Variants in CCDC71L observed in about 807,000 individuals in gnomAD.
CCDC71L encodes coiled-coil domain containing 71 like.
In CCDC71L, 6 loss-of-function variants were observed where a neutral mutation model predicts 10.2. The observed-to-expected ratio is 0.59, with a 90% CI of 0.32 to 1.16. The LOEUF is 1.16. CCDC71L is among the 50% of genes most tolerant of loss of function. The probability of loss-of-function intolerance (pLI) is 0.05; values close to 1 mark genes in which losing one functional copy is unlikely to be tolerated. For synonymous variants in CCDC71L, 204 were observed against 175.5 expected, an observed-to-expected ratio of 1.16 and a Z score of -1.28; for missense variants, 366 against 383.4, an observed-to-expected ratio of 0.95 and a Z score of 0.38.
chr7:106,660,613 C>T lies in CCDC71L; in HGVS notation c.284G>A (p.Ser95Asn). ...KHQFSPHILR[S>N]KDVYGYSSCR... ...GGAGGAGTAGCCGTAGACGTCCTTG[C>T]TGCGCAGGATGTGCGGGGAGAACTG... Residue 95 changes from serine to asparagine, a missense_variant, in exon 1 of 1, where the codon AGC becomes AAC. Transcript: ENST00000523505. This position sits in a 1 kb window ranked among gnomAD's most constrained non-coding sequence, Gnocchi z 7.5. 6.3e-7 allele frequency: 1 copy of T among 1,586,914 alleles called. No individual in the cohort carries two copies. Among genetic ancestry groups the T allele is most frequent in the Non-Finnish European group, 8.6e-7 (1 of 1,167,372 alleles).
rs1209747595 is a variant in CCDC71L at position 106,656,548 on chromosome 7, C to T, written c.*3641G>A. Among the ~76,000 whole-genome samples, 1 of 151,190 alleles carries T rather than the reference C, an allele frequency of 6.6e-6. No individual in the cohort carries two copies. The highest frequency in any genetic ancestry group is 1.5e-5 in the Non-Finnish European group (1 of 67,826). On this transcript the variant is annotated 3_prime_UTR_variant, in exon 1 of 1. Coordinates refer to ENST00000523505, the MANE Select transcript of CCDC71L (RefSeq NM_175884.6). The stretch of plus-strand genomic sequence containing the variant: ...CTGGCAAACTGGTTAATAAGTTGGG[C>T]TTGTAGCGCCATCCTAAAAATTCGC...
chr7:106,655,671 A>G lies in CCDC71L; in HGVS notation c.*4518T>C, dbSNP rs1348715253. Reference sequence around the variant, plus strand: ...CAGATAGTTTAAAACACATAACAGTACATTCAAATGTCTTATAGAGATATA... The same window carrying G: ...CAGATAGTTTAAAACACATAACAGTGCATTCAAATGTCTTATAGAGATATA... On this transcript the variant is annotated 3_prime_UTR_variant, in exon 1 of 1. Transcript: ENST00000523505. Among the ~76,000 whole-genome samples the G allele has an allele frequency of 1.3e-5, 2 of 152,214 alleles. No individual in the cohort carries two copies. Among genetic ancestry groups the G allele is most frequent in the African/African-American group, 4.8e-5 (2 of 41,454 alleles).
Position 106,660,674 on chromosome 7 carries a change from C to A in CCDC71L, c.223G>T (p.Ala75Ser). ...PRSTEFMSSD[A>S]ELWSFLCSLK... ...CTGCAGAGGAAGCTCCAGAGCTCCG[C>A]GTCCGAGCTCATGAACTCCGTGCTG... Residue 75 changes from alanine to serine, a missense_variant, in exon 1 of 1, where the codon GCG becomes TCG. Physicochemically the swap from Ala to Ser is moderately conservative, Grantham distance 99. Transcript: ENST00000523505. This position sits in a 1 kb window ranked among gnomAD's most constrained non-coding sequence, Gnocchi z 7.5. The A allele has an allele frequency of 6.3e-7, 1 of 1,585,960 alleles. No homozygotes were observed. Among genetic ancestry groups the A allele is most frequent in the Non-Finnish European group, 8.6e-7 (1 of 1,166,164 alleles).
rs1792562812 is a variant in CCDC71L, at chr7:106,660,148, C to G, written c.*41G>C. Reference sequence around the variant, plus strand: ...CATTCCTCCGGGCGGAAGGCCTGTCCCAAGGTCGGGGCCGGCAGGAGGCGC... The same window carrying G: ...CATTCCTCCGGGCGGAAGGCCTGTCGCAAGGTCGGGGCCGGCAGGAGGCGC... On this transcript the variant is annotated 3_prime_UTR_variant, in exon 1 of 1. Transcript: ENST00000523505. The surrounding 1 kb of genome is among the most constrained non-coding windows in gnomAD (Gnocchi z 7.5). The G allele has an allele frequency of 6.1e-6, 9 of 1,476,710 alleles. No homozygotes were observed. The highest frequency in any genetic ancestry group is 8.0e-6 in the Non-Finnish European group (9 of 1,124,258). 91.5% of individuals were successfully genotyped at this position (1,476,710 alleles called of 1,614,324 possible). A position where few individuals can be genotyped will look rare whatever the true frequency, so the allele number is the denominator to read the frequency against.
chr7:106,654,689 G>A lies in CCDC71L; in HGVS notation c.*5500C>T, dbSNP rs550265139. Among the ~76,000 whole-genome samples the A allele has an allele frequency of 6.6e-6, 1 of 152,208 alleles. No homozygotes were observed. Among genetic ancestry groups the A allele is most frequent in the South Asian group, 2.1e-4 (1 of 4,818 alleles). On this transcript the variant is annotated 3_prime_UTR_variant, in exon 1 of 1. Coordinates refer to ENST00000523505, the MANE Select transcript of CCDC71L (RefSeq NM_175884.6). ...GTAATGGCTGATGGGGTGTTAGGGA[G>A]GACTTCAGGGGTACTCATAACTGTA...
In CCDC71L at chr7:106,655,118, G is replaced by A. The variant is rs550226581; in HGVS notation, c.*5071C>T. ...CTTTAGATATGTTTATTATGTTATA[G>A]ATCATGGTTTAGAATGACATTTACC... is the stretch of plus-strand genomic sequence containing the variant. On this transcript the variant is annotated 3_prime_UTR_variant, in exon 1 of 1. Transcript: ENST00000523505. Among the ~76,000 whole-genome samples the A allele has an allele frequency of 4.6e-5, 7 of 152,220 alleles. No homozygotes were observed. Among genetic ancestry groups the A allele is most frequent in the African/African-American group, 1.4e-4 (6 of 41,558 alleles).
chr7:106,658,165 C>T lies in CCDC71L; in HGVS notation c.*2024G>A, dbSNP rs1792522535. On this transcript the variant is annotated 3_prime_UTR_variant, in exon 1 of 1. Coordinates refer to ENST00000523505, the MANE Select transcript of CCDC71L (RefSeq NM_175884.6). ...AAGAAAACCCTATGCATCTGAAATA[C>T]AATTGGCAATGGAAGCTAATAACCA... 1 of 152,246 alleles carries T rather than the reference C, an allele frequency of 6.6e-6. No individual in the cohort carries two copies. Among genetic ancestry groups the T allele is most frequent in the Middle Eastern group, 3.4e-3 (1 of 294 alleles). The allele number at this position is 152,246 out of a possible 1,614,324, so 9.4% of individuals were successfully genotyped here. A position where few individuals can be genotyped will look rare whatever the true frequency, so the allele number is the denominator to read the frequency against.
At position 106,654,511 on chromosome 7, in the gene CCDC71L, CACA is replaced by C. The variant is rs1280298190; in HGVS notation, c.*5675_*5677del. Among the ~76,000 whole-genome samples the C allele has an allele frequency of 2.0e-5, 3 of 151,836 alleles. No individual in the cohort carries two copies. On this transcript the variant is annotated 3_prime_UTR_variant, in exon 1 of 1. Coordinates refer to ENST00000523505, the MANE Select transcript of CCDC71L (RefSeq NM_175884.6). ...ATAAATGATCTACAATAATAGTACA[CACA>C]ACAATATAAATGAATCTCACAAACA...
rs1251413691 is a variant in CCDC71L at position 106,655,840 on chromosome 7, C to T, written c.*4349G>A. On this transcript the variant is annotated 3_prime_UTR_variant, in exon 1 of 1. Coordinates refer to ENST00000523505, the MANE Select transcript of CCDC71L (RefSeq NM_175884.6). Reference sequence around the variant, plus strand: ...CTTCAATTTTATTCATGCACAAATTCTCTTCTCTTCATTTATCTTACAGCT... The same window carrying T: ...CTTCAATTTTATTCATGCACAAATTTTCTTCTCTTCATTTATCTTACAGCT... Among the ~76,000 whole-genome samples the T allele has an allele frequency of 2.0e-5, 3 of 152,082 alleles. No homozygotes were observed. Among genetic ancestry groups the T allele is most frequent in the South Asian group, 2.1e-4 (1 of 4,828 alleles).
At position 106,660,205 on chromosome 7, in the gene CCDC71L, G is replaced by T; in HGVS notation, c.692C>A (p.Pro231Gln). ...LEPMVRLRRF[P>Q]VPRA ...GGCCGCACCTCATGCCCGGGGCACC[G>T]GGAAGCGGCGGAGCCTCACCATGGG... is the stretch of plus-strand genomic sequence containing the variant. The change falls in exon 1 of 1, where the codon CCG (proline) becomes CAG (glutamine). Residue 231 changes from proline to glutamine, a missense_variant. By Grantham distance (76) the Pro-to-Gln change is moderately conservative. Coordinates refer to ENST00000523505, the MANE Select transcript of CCDC71L (RefSeq NM_175884.6). This position sits in a 1 kb window ranked among gnomAD's most constrained non-coding sequence, Gnocchi z 7.5. 6.4e-7 allele frequency: 1 copy of T among 1,566,514 alleles called. No individual in the cohort carries two copies. Among genetic ancestry groups the T allele is most frequent in the Admixed American group, 1.7e-5 (1 of 57,540 alleles).
In CCDC71L at chr7:106,654,484, G is replaced by A. The variant is rs1792460167; in HGVS notation, c.*5705C>T. ...ACAGTGGAATTCTATACACCAATGA[G>A]AATAAATGATCTACAATAATAGTAC... On this transcript the variant is annotated 3_prime_UTR_variant, in exon 1 of 1. Coordinates refer to ENST00000523505, the MANE Select transcript of CCDC71L (RefSeq NM_175884.6). Among the ~76,000 whole-genome samples the A allele has an allele frequency of 6.6e-6, 1 of 151,494 alleles. No homozygotes were observed. Among genetic ancestry groups the A allele is most frequent in the East Asian group, 1.9e-4 (1 of 5,138 alleles).
rs1275208829 is a variant in CCDC71L at position 106,656,555 on chromosome 7, C to T, written c.*3634G>A. Among the ~76,000 whole-genome samples, 2 of 151,514 alleles carry T rather than the reference C, an allele frequency of 1.3e-5. No individual in the cohort carries two copies. Among genetic ancestry groups the T allele is most frequent in the Admixed American group, 6.6e-5 (1 of 15,206 alleles). On this transcript the variant is annotated 3_prime_UTR_variant, in exon 1 of 1. Coordinates refer to ENST00000523505, the MANE Select transcript of CCDC71L (RefSeq NM_175884.6). ...ACTGGTTAATAAGTTGGGCTTGTAG[C>T]GCCATCCTAAAAATTCGCTAGATAA...
Position 106,660,238 on chromosome 7 carries a change from T to C in CCDC71L, c.659A>G (p.Asn220Ser). The change falls in exon 1 of 1, where the codon AAC becomes AGC. Residue 220 changes from asparagine to serine, a missense_variant. Asn to Ser is a conservative substitution (Grantham distance 46). Coordinates refer to ENST00000523505, the MANE Select transcript of CCDC71L (RefSeq NM_175884.6). The surrounding 1 kb of genome is among the most constrained non-coding windows in gnomAD (Gnocchi z 7.5). ...RRRARQVLRV[N>S]LEPMVRLRRF... is the part of the protein sequence containing the mutation. Reference sequence around the variant, plus strand: ...GCGGAGCCTCACCATGGGTTCCAGGTTCACTCGCAGGACCTGGCGCGCCCT... The same window carrying C: ...GCGGAGCCTCACCATGGGTTCCAGGCTCACTCGCAGGACCTGGCGCGCCCT... 1 of 1,578,052 alleles carries C rather than the reference T, an allele frequency of 6.3e-7. No homozygotes were observed. Among genetic ancestry groups the C allele is most frequent in the Non-Finnish European group, 8.5e-7 (1 of 1,171,962 alleles).
rs1467053814 is a variant in CCDC71L, at chr7:106,660,820, C to G, written c.77G>C (p.Arg26Thr). ...PATAARGGDF[R>T]AEDGAGLEAR... is the part of the protein sequence containing the mutation. ...CTCCAACCCAGCCCCGTCTTCTGCC[C>G]TAAAGTCGCCGCCCCGGGCGGCCGT... The change falls in exon 1 of 1, where the codon AGG (arginine) becomes ACG (threonine). Residue 26 changes from arginine (R) to threonine (T), a missense_variant. Arg to Thr is a moderately conservative substitution (Grantham distance 71). Transcript: ENST00000523505. The surrounding 1 kb of genome is among the most constrained non-coding windows in gnomAD (Gnocchi z 7.5). 1 of 1,534,176 alleles carries G rather than the reference C, an allele frequency of 6.5e-7. No homozygotes were observed. Among genetic ancestry groups the G allele is most frequent in the African/African-American group, 1.4e-5 (1 of 71,030 alleles).
chr7:106,659,900 C>T lies in CCDC71L; in HGVS notation c.*289G>A, dbSNP rs117211484. On this transcript the variant is annotated 3_prime_UTR_variant, in exon 1 of 1. Coordinates refer to ENST00000523505, the MANE Select transcript of CCDC71L (RefSeq NM_175884.6). ...TGCCCCTAAGGTCCTGGAGACGTCT[C>T]AATCGGTGGTCAGGAAGAAAGGGAC... The T allele has an allele frequency of 1.3e-4, 52 of 409,998 alleles. No homozygotes were observed. The East Asian group carries it at 2.1e-3, about 17-fold the overall frequency. The allele number at this position is 409,998 out of a possible 1,614,324, so 25.4% of individuals were successfully genotyped here.
rs1792484793 is a variant in CCDC71L, at chr7:106,656,005, C to G, written c.*4184G>C. The stretch of plus-strand genomic sequence containing the variant: ...CATTTATTTAGTACTTCCTATGTGT[C>G]TAGCATTACTACCCTTTGAAAGGGG... On this transcript the variant is annotated 3_prime_UTR_variant, in exon 1 of 1. Transcript: ENST00000523505. Among the ~76,000 whole-genome samples, 1 of 152,154 alleles carries G rather than the reference C, an allele frequency of 6.6e-6. No homozygotes were observed. The highest frequency in any genetic ancestry group is 2.1e-4 in the South Asian group (1 of 4,834).
chr7:106,656,765 T>A lies in CCDC71L; in HGVS notation c.*3424A>T, dbSNP rs1319781338. On this transcript the variant is annotated 3_prime_UTR_variant, in exon 1 of 1. Transcript: ENST00000523505. ...TCAAATCATTAGAAAAACTAGACACTATGTATTCTCTAAAATTTATTTACA... is the reference window on the plus strand; with the variant it reads ...TCAAATCATTAGAAAAACTAGACACAATGTATTCTCTAAAATTTATTTACA... 3 of 152,148 alleles carry A rather than the reference T, an allele frequency of 2.0e-5. No individual in the cohort carries two copies. The highest frequency in any genetic ancestry group is 7.2e-5 in the African/African-American group (3 of 41,422). 9.4% of individuals were successfully genotyped at this position (152,148 alleles called of 1,614,324 possible).
In CCDC71L at chr7:106,660,337, G is replaced by C. The variant is rs767770138; in HGVS notation, c.560C>G (p.Thr187Arg). The C allele has an allele frequency of 4.7e-4, 703 of 1,486,592 alleles. 1 individual carries two copies. The highest frequency in any genetic ancestry group is 6.1e-4 in the Non-Finnish European group (684 of 1,127,302). 92.1% of individuals were successfully genotyped at this position (1,486,592 alleles called of 1,614,324 possible). A position where few individuals can be genotyped will look rare whatever the true frequency, so the allele number is the denominator to read the frequency against. ...LEEIWRAATP[T>R]LTTFPTIRVG... The stretch of plus-strand genomic sequence containing the variant: ...GCGGATGGTGGGGAAGGTGGTCAGC[G>C]TCGGGGTGGCCGCCCTCCAGATCTC... The change falls in exon 1 of 1, where the codon ACG becomes AGG. Residue 187 changes from threonine to arginine, a missense_variant. Thr to Arg is a moderately conservative substitution (Grantham distance 71). Coordinates refer to ENST00000523505, the MANE Select transcript of CCDC71L (RefSeq NM_175884.6). The surrounding 1 kb of genome is among the most constrained non-coding windows in gnomAD (Gnocchi z 7.5).
In CCDC71L at chr7:106,657,110, ACAG is replaced by A. The variant is rs1337864992; in HGVS notation, c.*3076_*3078del. 4 of 152,232 alleles carry A rather than the reference ACAG, an allele frequency of 2.6e-5. No homozygotes were observed. The highest frequency in any genetic ancestry group is 1.5e-5 in the Non-Finnish European group (1 of 68,040). The allele number at this position is 152,232 out of a possible 1,614,324, so 9.4% of individuals were successfully genotyped here. A position where few individuals can be genotyped will look rare whatever the true frequency, so the allele number is the denominator to read the frequency against. ...TAAAAAATAGTACTATCATTTGCAC[ACAG>A]CAGATCAATAGGTGTCAGTCACCAG... On this transcript the variant is annotated 3_prime_UTR_variant, in exon 1 of 1. Transcript: ENST00000523505.
Sources: allele counts gnomAD v4.1 joint callset (sites outside exome capture counted in the v4.1 genomes callset), GRCh38; gene constraint gnomAD v4.1.1; non-coding constraint Gnocchi (gnomAD v3.1); transcripts MANE v1.5; gene names NCBI Gene and HGNC (gene_info 2026-07-23, HGNC 2026-07-21).